GPHN: variants seen among roughly 807,000 people sequenced by gnomAD.
The protein encoded by GPHN is gephyrin.
A neutral mutation model predicts 95.5 loss-of-function variants in GPHN; 17 were observed. The ratio of observed to expected loss-of-function variants is 0.18; its 90% confidence interval spans 0.12 to 0.27. The LOEUF (loss-of-function observed/expected upper bound fraction) is 0.27. Ranked by LOEUF, GPHN falls within the 10% of genes least tolerant of loss-of-function variation. The pLI, the probability that GPHN is intolerant of heterozygous loss-of-function variation, is 1.00. For synonymous variants in GPHN, 320 were observed against 322.5 expected, an observed-to-expected ratio of 0.99 and a Z score of 0.08; for missense variants, 660 against 978.1, an observed-to-expected ratio of 0.67 and a Z score of 4.34.
the GPHN span, among the ~76,000 whole-genome samples, chr14:67,424,499 T>C: frequency 2.0e-5 from 3 of 149,502 alleles, no homozygotes; most frequent in East Asian, 5.9e-4. Context: ...CTTGGGAGGC[T>C]GAGGTGGGGG....
At chr14:67,279,682 C>T in the GPHN span, 63 of 718,090 alleles carry the variant, frequency 8.8e-5, 1 homozygote, top group South Asian at 4.6e-4. Context: ...TTCGTGGAAA[C>T]GCCGTATAAC....
chr14:67,625,637 G>A, the GPHN span, among the ~76,000 whole-genome samples: 1 of 134,254 alleles, frequency 7.4e-6, no homozygotes. Flanking sequence ...CCGAGATTGT[G>A]CCATTGCAGT....
the GPHN span, chr14:67,650,224 G>GTGGTGCTC: frequency 5.6e-6 from 1 of 177,110 alleles, no homozygotes; most frequent in African/African-American, 2.4e-5. Flanking sequence ...GGCATATGGT[G>GTGGTGCTC]TGGTGCTCTA....
Position 67,180,960 on chromosome 14 carries a change from T to C in GPHN, c.*23T>C. 2 of 1,612,230 alleles carry C rather than the reference T, an allele frequency of 1.2e-6. No individual in the cohort carries two copies. The highest frequency in any genetic ancestry group is 1.7e-6 in the Non-Finnish European group (2 of 1,178,412). ...TGATGGTCACCAGCAGGAGAAAGCT[T>C]TGATGCATGTCCACATATCATTGAC... On this transcript the variant is annotated 3_prime_UTR_variant, in exon 23 of 23. Coordinates refer to ENST00000478722, the MANE Select transcript of GPHN (RefSeq NM_020806.5).
rs140164471 is a variant in GPHN, at chr14:66,843,696, A to G, written c.294+19130A>G. ...AAAAGTTTTGCCTACATATCGTCCAAACATCTTAGAAATAGGAAAATGCTT... is the reference window on the plus strand; with the variant it reads ...AAAAGTTTTGCCTACATATCGTCCAGACATCTTAGAAATAGGAAAATGCTT... On this transcript the variant is annotated intron_variant, in intron 4 of 22. Coordinates refer to ENST00000478722, the MANE Select transcript of GPHN (RefSeq NM_020806.5). Among the ~76,000 whole-genome samples the G allele has an allele frequency of 2.4e-3, 366 of 152,250 alleles. 2 individuals are homozygous for G. The highest frequency in any genetic ancestry group is 8.4e-3 in the African/African-American group (351 of 41,562).
At chr14:67,439,890 G>T in the GPHN span, among the ~76,000 whole-genome samples, 5 of 152,086 alleles carry the variant, frequency 3.3e-5, no homozygotes, top group Admixed American at 3.3e-4. Flanking sequence ...CCAGGCTGGG[G>T]TGCAGTGGCG....
At chr14:67,151,945 G>A (rs2081311090) in intron 18 of GPHN, among the ~76,000 whole-genome samples, 1 of 152,020 alleles carries the variant, frequency 6.6e-6, no homozygotes, top group Non-Finnish European at 1.5e-5. Flanking sequence ...TGCCTGGCCT[G>A]TACCCAGGTT....
intron 1 of GPHN, among the ~76,000 whole-genome samples, chr14:66,563,584 T>G (rs1246711323): frequency 6.6e-6 from 1 of 152,198 alleles, no homozygotes; most frequent in Non-Finnish European, 1.5e-5. Flanking sequence ...CCTAAGCTAG[T>G]AACTAAGCTG....
At chr14:67,733,789 A>G in the GPHN span, 1 of 1,613,610 alleles carries the variant, frequency 6.2e-7, no homozygotes, top group South Asian at 1.1e-5. Context: ...CCGAAATAAC[A>G]AAACAGCTGA....
chr14:67,322,753 A>AT, the GPHN span, among the ~76,000 whole-genome samples: 1 of 144,912 alleles, frequency 6.9e-6, no homozygotes, highest in African/African-American at 2.7e-5. Flanking sequence ...GGGCTAACAG[A>AT]TTTTAACAAA....
intron 5 of GPHN, among the ~76,000 whole-genome samples, chr14:66,914,671 A>G (rs2065823871): frequency 6.6e-6 from 1 of 152,086 alleles, no homozygotes; most frequent in Non-Finnish European, 1.5e-5. Flanking sequence ...GCTCTTAGTT[A>G]AAATTCTAGA....
chr14:66,879,900 C>T (rs1466862992), intron 4 of GPHN, 39 bp from the exon 5 acceptor site: 5 of 1,321,092 alleles, frequency 3.8e-6, no homozygotes, highest in Non-Finnish European at 5.5e-6. Flanking sequence ...TCTTTTTTGG[C>T]TTATTTCACT....
At chr14:66,989,517 T>G (rs1461414345) in intron 9 of GPHN, among the ~76,000 whole-genome samples, 2 of 151,986 alleles carry the variant, frequency 1.3e-5, no homozygotes, top group African/African-American at 4.8e-5. Context: ...TTAATTTCTT[T>G]TTTCAACACC....
intron 4 of GPHN, among the ~76,000 whole-genome samples, chr14:66,858,189 G>C (rs1458770548): frequency 6.6e-6 from 1 of 152,012 alleles, no homozygotes; most frequent in Admixed American, 6.5e-5. Flanking sequence ...CACCAGCCAG[G>C]ACAGCTAAAG....
intron 1 of GPHN, among the ~76,000 whole-genome samples, chr14:66,583,154 C>T (rs1483726700): frequency 2.0e-5 from 3 of 152,064 alleles, no homozygotes; most frequent in Non-Finnish European, 2.9e-5. Flanking sequence ...AGCATTTTTT[C>T]ATGTGTTTTT....
chr14:66,834,900 TG>T (rs2061731751), intron 4 of GPHN, among the ~76,000 whole-genome samples: 1 of 142,322 alleles, frequency 7.0e-6, no homozygotes, highest in South Asian at 2.4e-4. Context: ...TCTTTTTGGT[TG>T]GTAAGCTATT....
chr14:66,600,479 G>A (rs1194206826), intron 1 of GPHN, among the ~76,000 whole-genome samples: 1 of 152,070 alleles, frequency 6.6e-6, no homozygotes, highest in African/African-American at 2.4e-5. Flanking sequence ...GTTCCTGTAA[G>A]CCTCTGGTCA....
the GPHN span, chr14:67,691,250 G>A: frequency 6.2e-7 from 1 of 1,606,224 alleles, no homozygotes; most frequent in Admixed American, 1.7e-5. Context: ...TTCCTCTGCA[G>A]GGACAAGACG....
the GPHN span, among the ~76,000 whole-genome samples, chr14:67,348,218 G>A: frequency 6.6e-6 from 1 of 152,086 alleles, no homozygotes; most frequent in Non-Finnish European, 1.5e-5. Flanking sequence ...GGGATTACAG[G>A]CATGCGCTAC....
Sources: gnomAD v4.1 joint callset for allele counts (sites outside exome capture counted in the v4.1 genomes callset) on GRCh38, gnomAD v4.1.1 for gene constraint, MANE v1.5 for transcripts, NCBI Gene and HGNC (gene_info 2026-07-23, HGNC 2026-07-21) for gene names.